The following ROBO1 variants were observed in gnomAD, a reference collection of about 807,000 sequenced individuals.
ROBO1 encodes the protein roundabout guidance receptor 1.
A neutral mutation model predicts 195.9 loss-of-function variants in ROBO1; 149 were observed. That is an observed-to-expected ratio of 0.76 (90% CI 0.67 to 0.87). The LOEUF is 0.87. ROBO1 is among the 40% of genes least tolerant of loss of function. The pLI is 0.00. For missense variants in ROBO1, 1,933 were observed against 2,068.3 expected (o/e 0.93, Z 1.27); for synonymous variants, 816 against 733.2 (o/e 1.11, Z -1.82).
intron 2 of ROBO1, among the ~76,000 whole-genome samples, chr3:79,300,658 T>G (rs1023787030): frequency 8.5e-5 from 13 of 152,180 alleles, no homozygotes; most frequent in Non-Finnish European, 4.4e-5. Context: ...TGGGATCCAC[T>G]GGGTGAAGCC....
intron 3 of ROBO1, among the ~76,000 whole-genome samples, chr3:79,071,113 C>G (rs561710275): frequency 2.0e-4 from 31 of 151,872 alleles, no homozygotes; most frequent in African/African-American, 7.5e-4. Flanking sequence ...TTCATGTGTA[C>G]ATGTTATTAT....
chr3:78,636,497 C>G (rs1705510731), intron 22 of ROBO1, among the ~76,000 whole-genome samples: 1 of 151,940 alleles, frequency 6.6e-6, no homozygotes, highest in South Asian at 2.1e-4. Context: ...TTTGAAGCTA[C>G]TGGTTAGCTG....
intron 18 of ROBO1, among the ~76,000 whole-genome samples, chr3:78,655,142 T>G (rs890847219): frequency 6.6e-6 from 1 of 152,210 alleles, no homozygotes; most frequent in Non-Finnish European, 1.5e-5. Context: ...AATATTTTCA[T>G]AGTTTTTGGA....
At chr3:79,189,234 T>C (rs559480838) in intron 2 of ROBO1, among the ~76,000 whole-genome samples, 1 of 151,958 alleles carries the variant, frequency 6.6e-6, no homozygotes, top group East Asian at 1.9e-4. Flanking sequence ...ACAGAGATGC[T>C]TTAAGGCCAC....
intron 1 of ROBO1, among the ~76,000 whole-genome samples, chr3:79,624,140 C>G (rs1209780662): frequency 6.6e-6 from 1 of 152,026 alleles, no homozygotes; most frequent in Admixed American, 6.6e-5. Flanking sequence ...TCCAGACAAG[C>G]AAATGCTGAG....
intron 3 of ROBO1, among the ~76,000 whole-genome samples, chr3:79,109,611 C>T (rs1009787633): frequency 1.3e-5 from 2 of 152,052 alleles, no homozygotes; most frequent in Non-Finnish European, 2.9e-5. Flanking sequence ...GCATGGTTCT[C>T]TTATATCATC....
chr3:79,139,416 C>A (rs909974699), intron 2 of ROBO1, among the ~76,000 whole-genome samples: 4 of 152,080 alleles, frequency 2.6e-5, no homozygotes, highest in Non-Finnish European at 4.4e-5. Flanking sequence ...GAAACACTGA[C>A]AAAGTAGATC....
intron 3 of ROBO1, among the ~76,000 whole-genome samples, chr3:79,117,529 G>A (rs992645217): frequency 6.6e-6 from 1 of 152,162 alleles, no homozygotes; most frequent in Non-Finnish European, 1.5e-5. Context: ...GAGTGCGCCT[G>A]ACCTGGGAGG....
chr3:79,604,597 T>C (rs1285956850), intron 1 of ROBO1, among the ~76,000 whole-genome samples: 3 of 152,028 alleles, frequency 2.0e-5, no homozygotes, highest in African/African-American at 7.2e-5. Context: ...CATAATCCTT[T>C]ACTAAGAATT....
intron 3 of ROBO1, among the ~76,000 whole-genome samples, chr3:79,035,631 G>A (rs888473660): frequency 1.3e-5 from 2 of 151,934 alleles, no homozygotes; most frequent in African/African-American, 4.8e-5. Flanking sequence ...AGGCTAAGGT[G>A]GGAGGATCAC....
chr3:78,869,426 G>C (rs1268318231), intron 4 of ROBO1, among the ~76,000 whole-genome samples: 1 of 152,106 alleles, frequency 6.6e-6, no homozygotes, highest in Non-Finnish European at 1.5e-5. Flanking sequence ...AGTAACTTTA[G>C]TGTATAGCTC....
chr3:78,788,520 A>G (rs2083921073), intron 4 of ROBO1, among the ~76,000 whole-genome samples: 1 of 148,784 alleles, frequency 6.7e-6, no homozygotes, highest in African/African-American at 2.5e-5. Context: ...AAAGTCTGAT[A>G]TAAGAATTTA....
At chr3:79,058,627 G>A (rs1307389753) in intron 3 of ROBO1, among the ~76,000 whole-genome samples, 1 of 152,018 alleles carries the variant, frequency 6.6e-6, no homozygotes, top group Non-Finnish European at 1.5e-5. Context: ...CTCACATGCT[G>A]TTAGTGGGAA....
intron 26 of ROBO1, among the ~76,000 whole-genome samples, chr3:78,620,060 G>C (rs1704364416): frequency 6.7e-6 from 1 of 150,160 alleles, no homozygotes; most frequent in South Asian, 2.1e-4. Context: ...TAAATTCATA[G>C]AACTAGATTT....
intron 4 of ROBO1, among the ~76,000 whole-genome samples, chr3:78,871,600 T>C (rs559976047): frequency 1.3e-5 from 2 of 152,144 alleles, no homozygotes; most frequent in African/African-American, 4.8e-5. Flanking sequence ...TTTGCACAAT[T>C]TTCTTTGTAT....
At chr3:78,929,334 C>T (rs952897645) in intron 4 of ROBO1, among the ~76,000 whole-genome samples, 1 of 152,066 alleles carries the variant, frequency 6.6e-6, no homozygotes, top group Non-Finnish European at 1.5e-5. Context: ...AAAGACAGTC[C>T]TGTCATTGTG....
chr3:79,096,685 T>C (rs1435780445), intron 3 of ROBO1, among the ~76,000 whole-genome samples: 1 of 150,828 alleles, frequency 6.6e-6, no homozygotes, highest in East Asian at 2.0e-4. Flanking sequence ...TATGTGTGTA[T>C]ACGTACACAC....
chr3:79,209,439 T>G (rs1268549952), intron 2 of ROBO1, among the ~76,000 whole-genome samples: 1 of 152,230 alleles, frequency 6.6e-6, no homozygotes, highest in Non-Finnish European at 1.5e-5. Flanking sequence ...TGAATCATGC[T>G]TCTATAAACA....
intron 22 of ROBO1, among the ~76,000 whole-genome samples, chr3:78,638,173 G>A (rs548926543): frequency 1.8e-4 from 26 of 146,776 alleles, no homozygotes; most frequent in Non-Finnish European, 2.7e-4. Context: ...CACCTGCAGT[G>A]TGTGTGTGTG....
Sources: gnomAD v4.1 joint callset for allele counts (sites outside exome capture counted in the v4.1 genomes callset) on GRCh38, gnomAD v4.1.1 for gene constraint, MANE v1.5 for transcripts, NCBI Gene and HGNC (gene_info 2026-07-23, HGNC 2026-07-21) for gene names.